Variants in RANBP2 observed in about 807,000 individuals in gnomAD.
RANBP2 encodes the protein E3 SUMO-protein ligase RanBP2.
In RANBP2, 57 loss-of-function variants were observed where a neutral mutation model predicts 303.6. The ratio of observed to expected loss-of-function variants is 0.19; its 90% CI spans 0.15 to 0.23. The LOEUF is 0.23. RANBP2 is among the 10% of genes least tolerant of loss of function. The pLI, the probability that RANBP2 is intolerant of heterozygous loss-of-function variation, is 1.00. For missense variants in RANBP2, 3,138 were observed against 3,780.8 expected (o/e 0.83, Z 4.46); for synonymous variants, 1,167 against 1,301.5 (o/e 0.90, Z 2.23).
chr2:108,987,918 A>G, the RANBP2 span, among the ~76,000 whole-genome samples: 2 of 152,156 alleles, frequency 1.3e-5, no homozygotes, highest in Non-Finnish European at 2.9e-5. Context: ...AACATTCTCT[A>G]TTTTAGATGC....
the RANBP2 span, among the ~76,000 whole-genome samples, chr2:108,885,841 A>G: frequency 1.8e-4 from 28 of 152,314 alleles, no homozygotes; most frequent in South Asian, 5.6e-3. Context: ...TAGCTTCCAC[A>G]TATAAGTGGA....
the RANBP2 span, chr2:109,546,341 A>ATGGGG: frequency 1.7e-6 from 1 of 601,318 alleles, no homozygotes; most frequent in South Asian, 4.3e-5. Context: ...AACACAGAAT[A>ATGGGG]ACCTACACAG....
At chr2:109,429,377 C>A in the RANBP2 span, among the ~76,000 whole-genome samples, 1 of 151,972 alleles carries the variant, frequency 6.6e-6, no homozygotes, top group African/African-American at 2.4e-5. Context: ...CATTCCAGTT[C>A]CCCCAGCAAC....
At chr2:108,792,790 C>T in the RANBP2 span, among the ~76,000 whole-genome samples, 65 of 152,330 alleles carry the variant, frequency 4.3e-4, no homozygotes, top group African/African-American at 1.3e-3. Context: ...GTCGGCCAGG[C>T]GCGGTGGCTC....
the RANBP2 span, among the ~76,000 whole-genome samples, chr2:109,258,742 G>C: frequency 6.6e-6 from 1 of 152,334 alleles, no homozygotes; most frequent in South Asian, 2.1e-4. Flanking sequence ...CATATAATAC[G>C]TGCTGCTTTG....
chr2:109,309,753 T>C, the RANBP2 span, among the ~76,000 whole-genome samples: 19 of 125,998 alleles, frequency 1.5e-4, 5 homozygotes, highest in African/African-American at 6.7e-4. Flanking sequence ...AAGGCCATTA[T>C]ATAATGGTAA....
At chr2:109,552,277 T>C in the RANBP2 span, among the ~76,000 whole-genome samples, 1 of 152,214 alleles carries the variant, frequency 6.6e-6, no homozygotes, top group African/African-American at 2.4e-5. Context: ...CTAGACCACC[T>C]AACTACATCC....
chr2:109,512,626 C>T, the RANBP2 span, among the ~76,000 whole-genome samples: 1 of 152,184 alleles, frequency 6.6e-6, no homozygotes, highest in East Asian at 1.9e-4. Flanking sequence ...TTGACTAGAC[C>T]CGGCTTGCTG....
At chr2:109,169,682 T>C in the RANBP2 span, among the ~76,000 whole-genome samples, 1 of 152,090 alleles carries the variant, frequency 6.6e-6, no homozygotes, top group Non-Finnish European at 1.5e-5. Context: ...ATTGTTTTCA[T>C]TGTTTGGCTA....
the RANBP2 span, among the ~76,000 whole-genome samples, chr2:109,255,044 C>T: frequency 6.6e-6 from 1 of 152,180 alleles, no homozygotes; most frequent in East Asian, 1.9e-4. Flanking sequence ...CAACACTGTA[C>T]AAGCCTGCAG....
At chr2:109,667,195 C>G in the RANBP2 span, 2 of 1,273,918 alleles carry the variant, frequency 1.6e-6, no homozygotes, top group South Asian at 1.2e-5. Flanking sequence ...TTGCAGAAAG[C>G]CTTGCCATTT....
chr2:109,126,056 T>C, the RANBP2 span, among the ~76,000 whole-genome samples: 1 of 152,170 alleles, frequency 6.6e-6, no homozygotes, highest in Non-Finnish European at 1.5e-5. Context: ...CTAGCAACAT[T>C]TGGTCGTCAT....
At chr2:109,670,742 T>C in the RANBP2 span, among the ~76,000 whole-genome samples, 6 of 152,130 alleles carry the variant, frequency 3.9e-5, no homozygotes. Flanking sequence ...CCTCTTCCTC[T>C]GTGTTGCAGA....
At chr2:109,028,888 A>G in the RANBP2 span, among the ~76,000 whole-genome samples, 10 of 152,298 alleles carry the variant, frequency 6.6e-5, no homozygotes, top group Admixed American at 4.6e-4. Flanking sequence ...CTGAGAATGC[A>G]TGTGTGAATC....
chr2:109,613,578 C>G, the RANBP2 span: 1 of 266,992 alleles, frequency 3.7e-6, no homozygotes, highest in Non-Finnish European at 6.9e-6. Context: ...GGCGCCGCGC[C>G]CCGCGAACCG....
chr2:109,328,937 C>T, the RANBP2 span, among the ~76,000 whole-genome samples: 4 of 152,154 alleles, frequency 2.6e-5, no homozygotes, highest in Non-Finnish European at 4.4e-5. Flanking sequence ...GGGTTGTTAA[C>T]GGGGTGGTCA....
chr2:109,155,561 A>G, the RANBP2 span, among the ~76,000 whole-genome samples: 1 of 152,128 alleles, frequency 6.6e-6, no homozygotes, highest in Non-Finnish European at 1.5e-5. Context: ...TCAGCCTCCC[A>G]AAGTGCTGGG....
the RANBP2 span, among the ~76,000 whole-genome samples, chr2:109,454,806 C>T: frequency 6.6e-6 from 1 of 151,854 alleles, no homozygotes; most frequent in Admixed American, 6.6e-5. Flanking sequence ...AGCCTTAGGT[C>T]GACAACCCCA....
At chr2:109,385,314 GTTAAC>G in the RANBP2 span, among the ~76,000 whole-genome samples, 134 of 152,334 alleles carry the variant, frequency 8.8e-4, 1 homozygote, top group African/African-American at 3.0e-3. Context: ...AGAAATGATT[GTTAAC>G]TTAATTGTAG....
Sources: allele counts gnomAD v4.1 joint callset (sites outside exome capture counted in the v4.1 genomes callset), GRCh38; gene constraint gnomAD v4.1.1; transcripts MANE v1.5; gene names NCBI Gene and HGNC (gene_info 2026-07-23, HGNC 2026-07-21).